The following NKD2 variants were observed in gnomAD, a reference collection of about 807,000 sequenced individuals.
The protein encoded by NKD2 is protein naked cuticle homolog 2.
A neutral mutation model predicts 34.8 loss-of-function variants in NKD2; 43 were observed. That is an observed-to-expected ratio of 1.24 (90% confidence interval 0.97 to 1.60). The LOEUF is 1.60. Among genes scored for constraint, NKD2 ranks in the 40% most tolerant of loss-of-function variants. The pLI, the probability that NKD2 is intolerant of heterozygous loss-of-function variation, is 0.00. For synonymous variants in NKD2, 278 were observed against 265.1 expected, an observed-to-expected ratio of 1.05 and a Z score of -0.47; for missense variants, 675 against 627.1, an observed-to-expected ratio of 1.08 and a Z score of -0.82.
At chr5:1,011,972 G>T (rs1755769076) in intron 3 of NKD2, among the ~76,000 whole-genome samples, 1 of 152,236 alleles carries the variant, frequency 6.6e-6, no homozygotes, top group South Asian at 2.1e-4. Context: ...CTGGAGAGTG[G>T]ATTGTGAGGG....
rs550357744 is a variant in NKD2 at position 1,010,431 on chromosome 5, G to A, written c.141+871G>A. On this transcript the variant is annotated intron_variant, in intron 3 of 9. Transcript: ENST00000296849. ...ACGCAATCAGTTTCCTTTTTGGAAA[G>A]ACATTGTTCTGGCAGTTGATTAAAA... 2.6e-5 allele frequency among the ~76,000 whole-genome samples: 4 copies of A among 152,304 alleles called. No homozygotes were observed. The South Asian group carries it at 8.3e-4, about 32-fold the overall frequency.
At chr5:1,011,039 C>T (rs942724616) in intron 3 of NKD2, among the ~76,000 whole-genome samples, 2 of 152,104 alleles carry the variant, frequency 1.3e-5, no homozygotes, top group Non-Finnish European at 2.9e-5. Flanking sequence ...TGCTCGTGGG[C>T]GTTTAGACCT....
At chr5:1,017,663 A>G (rs1424785346) in intron 3 of NKD2, among the ~76,000 whole-genome samples, 2 of 142,964 alleles carry the variant, frequency 1.4e-5, no homozygotes, top group East Asian at 2.0e-4. Flanking sequence ...CCCAGAGCCC[A>G]CAGCCCCCCA....
rs147626744 is a variant in NKD2 at position 1,037,947 on chromosome 5, G to A, written c.930G>A (p.Ser310=). The A allele has an allele frequency of 5.0e-5, 81 of 1,606,314 alleles. No homozygotes were observed. The highest frequency in any genetic ancestry group is 4.7e-4 in the African/African-American group (35 of 74,872). The part of the protein sequence containing the change: ...QVLVEHVVPA[S]EPAARALDTQ... ...TGGTGGAACACGTCGTGCCAGCCTC[G>A]GAGCCTGCTGCCCGGGCCCTGGACA... is the stretch of plus-strand genomic sequence containing the variant. The change falls in exon 10 of 10, where the codon TCG becomes TCA. Residue 310 remains serine (S), a synonymous_variant. Transcript: ENST00000296849.
At chr5:1,022,293 G>T (rs868490004) in intron 3 of NKD2, among the ~76,000 whole-genome samples, 8 of 92,358 alleles carry the variant, frequency 8.7e-5, no homozygotes, top group South Asian at 4.8e-4. Context: ...CTTCCCACCC[G>T]CTGTGGGTGT....
rs149700113 is a variant in NKD2 at position 1,035,376 on chromosome 5, AC to A, written c.575-7del. 9.7e-6 allele frequency: 15 copies of A among 1,551,750 alleles called. No homozygotes were observed. Among genetic ancestry groups the A allele is most frequent in the East Asian group, 2.4e-5 (1 of 41,162 alleles). ...GAGGGAGGGAGTGAGTAATGGCAGGACCCCCCTTTCAGACCGGGAGCCCACC... is the reference window on the plus strand; with the variant it reads ...GAGGGAGGGAGTGAGTAATGGCAGGACCCCCTTTCAGACCGGGAGCCCACC... On this transcript the variant is annotated splice_polypyrimidine_tract_variant and intron_variant, in intron 7 of 9. Coordinates refer to ENST00000296849, the MANE Select transcript of NKD2 (RefSeq NM_033120.4).
At chr5:1,015,681 C>G (rs1276273472) in intron 3 of NKD2, among the ~76,000 whole-genome samples, 1 of 152,228 alleles carries the variant, frequency 6.6e-6, no homozygotes, top group Non-Finnish European at 1.5e-5. Context: ...AGAGGCGGTC[C>G]TGCCCGCACA....
At chr5:1,035,018 G>T in intron 7 of NKD2, 115 bp downstream of exon 7, 1 of 972,796 alleles carries the variant, frequency 1.0e-6, no homozygotes, top group South Asian at 1.7e-5. Flanking sequence ...GTGGGTGAAT[G>T]GATGGGTGAG....
rs539400798 is a variant in NKD2, at chr5:1,029,756, C to G, written c.142-2396C>G. ...CTGCCTGTCCTCAGGAGCCACCGCA[C>G]CTCCGGCTCCTCTGAGTTCTGGCAC... On this transcript the variant is annotated intron_variant, in intron 3 of 9. Coordinates refer to ENST00000296849, the MANE Select transcript of NKD2 (RefSeq NM_033120.4). 5.9e-4 allele frequency among the ~76,000 whole-genome samples: 90 copies of G among 152,360 alleles called. 1 individual carries two copies. The South Asian group carries it at 6.0e-3, about 10-fold the overall frequency.
At chr5:1,036,135 G>A (rs1052255199) in intron 8 of NKD2, 122 bp from the exon 9 acceptor site, 6 of 1,369,352 alleles carry the variant, frequency 4.4e-6, no homozygotes, top group South Asian at 1.9e-5. Context: ...CCTGCTCTGC[G>A]AGGAGGTGGG....
At position 1,038,395 on chromosome 5, in the gene NKD2, G is replaced by A. The variant is rs887884762; in HGVS notation, c.*22G>A. 77 of 1,535,344 alleles carry A rather than the reference G, an allele frequency of 5.0e-5. No individual in the cohort carries two copies. The highest frequency in any genetic ancestry group is 1.6e-4 in the Admixed American group (8 of 50,968). The stretch of plus-strand genomic sequence containing the variant: ...CTAGCGCCACTGCCAAGCACACCTC[G>A]CTCCCAGCACACCACAGCCCGCGAC... On this transcript the variant is annotated 3_prime_UTR_variant, in exon 10 of 10. Coordinates refer to ENST00000296849, the MANE Select transcript of NKD2 (RefSeq NM_033120.4). The surrounding 1 kb of genome is among the most constrained non-coding windows in gnomAD (Gnocchi z 4.5).
At chr5:1,034,197 G>T (rs1385833152) in intron 5 of NKD2, 38 bp from the exon 6 acceptor site, 37 of 1,488,442 alleles carry the variant, frequency 2.5e-5, no homozygotes, top group Non-Finnish European at 3.3e-5. Flanking sequence ...GTTGGCGTGG[G>T]TAGGAGGCGA....
intron 5 of NKD2, among the ~76,000 whole-genome samples, chr5:1,033,764 C>T (rs950377798): frequency 6.6e-6 from 1 of 152,242 alleles, no homozygotes; most frequent in Non-Finnish European, 1.5e-5. Flanking sequence ...CATTCCCAGC[C>T]TTGGTGCCCT....
rs1733766515 is a variant in NKD2, at chr5:1,034,825, A to C, written c.496A>C (p.Ser166Arg). The C allele has an allele frequency of 1.9e-6, 3 of 1,612,916 alleles. No homozygotes were observed. Among genetic ancestry groups the C allele is most frequent in the Non-Finnish European group, 2.5e-6 (3 of 1,179,980 alleles). ...CTCGGTCAACCACTCCTCGGGCAGCAGCAAGACCCTCCGTGTGAAGCTAAC... is the reference window on the plus strand; with the variant it reads ...CTCGGTCAACCACTCCTCGGGCAGCCGCAAGACCCTCCGTGTGAAGCTAAC... Reference protein sequence around the residue: ...DASVNHSSGSSKTLRVKLTVS... With the variant: ...DASVNHSSGSRKTLRVKLTVS... The change falls in exon 7 of 10, where the codon AGC becomes CGC. Residue 166 changes from serine (S) to arginine (R), a missense_variant. Transcript: ENST00000296849.
chr5:1,036,497 CCCCCAACCCCCCCCA>C (rs1444975278), intron 9 of NKD2, 113 bp downstream of exon 9: 4 of 579,112 alleles, frequency 6.9e-6, no homozygotes, highest in African/African-American at 4.0e-5. Flanking sequence ...GCCCCGCCCC[CCCCCAACCCCCCCCA>C]CCCCACCCCA....
chr5:1,021,390 A>ATCCC (rs1411669616), intron 3 of NKD2, among the ~76,000 whole-genome samples: 1 of 68,550 alleles, frequency 1.5e-5, no homozygotes, highest in Non-Finnish European at 2.8e-5. Context: ...CCACCCACCC[A>ATCCC]CCCGTCCCAA....
At chr5:1,010,815 G>A (rs1038525240) in intron 3 of NKD2, among the ~76,000 whole-genome samples, 11 of 152,188 alleles carry the variant, frequency 7.2e-5, no homozygotes, top group African/African-American at 2.2e-4. Context: ...GTGGGCGGGC[G>A]TTCACCTCTC....
In NKD2 at chr5:1,034,285, G is replaced by A. The variant is rs774920549; in HGVS notation, c.381G>A (p.Thr127=). 15 of 1,612,690 alleles carry A rather than the reference G, an allele frequency of 9.3e-6. No homozygotes were observed. In the South Asian group the frequency reaches 9.9e-5, roughly 11 times the overall value. Residue 127 remains threonine (T), a synonymous_variant, in exon 6 of 10, where the codon ACG becomes ACA. Coordinates refer to ENST00000296849, the MANE Select transcript of NKD2 (RefSeq NM_033120.4). Reference sequence around the variant, plus strand: ...AGGAGGACGACCGCCAGGAGTGGACGTTCACGCTCTATGACTTTGACAACT... The same window carrying A: ...AGGAGGACGACCGCCAGGAGTGGACATTCACGCTCTATGACTTTGACAACT... ...SVEEDDRQEW[T]FTLYDFDNCG... is the part of the protein sequence containing the mutation.
chr5:1,031,787 G>C (rs568130260), intron 3 of NKD2, among the ~76,000 whole-genome samples: 191 of 152,178 alleles, frequency 1.3e-3, no homozygotes, highest in African/African-American at 3.7e-3. Context: ...GCAGTGCTGG[G>C]AGCAGGCCCC....
Sources: allele counts gnomAD v4.1 joint callset (sites outside exome capture counted in the v4.1 genomes callset), GRCh38; gene constraint gnomAD v4.1.1; non-coding constraint Gnocchi (gnomAD v3.1); transcripts MANE v1.5; gene names NCBI Gene and HGNC (gene_info 2026-07-23, HGNC 2026-07-21).